Variants in ZNF71 observed in about 807,000 individuals in gnomAD.
ZNF71 encodes zinc finger protein 71, also known as endothelial zinc finger protein induced by tumor necrosis factor alpha.
A neutral mutation model predicts 6.7 loss-of-function variants in ZNF71; 3 were observed. The ratio of observed to expected loss-of-function variants is 0.45; its 90% CI spans 0.20 to 1.16. The LOEUF is 1.16. Ranked by LOEUF, ZNF71 falls within the 50% of genes most tolerant of loss-of-function variation. The pLI is 0.25. For missense variants in ZNF71, 688 were observed against 728.6 expected, an observed-to-expected ratio of 0.94 and a Z score of 0.64; for synonymous variants, 343 against 311.1, an observed-to-expected ratio of 1.10 and a Z score of -1.08.
rs2044662072 is a variant in ZNF71, at chr19:56,600,450, G to A, written c.-52-1057G>A. Among the ~76,000 whole-genome samples, 6 of 16,014 alleles carry A rather than the reference G, an allele frequency of 3.7e-4. 3 individuals are homozygous for A. The South Asian group carries it at 0.025, about 67-fold the overall frequency. The allele number at this position is 16,014 out of a possible 152,430, so 10.5% of individuals were successfully genotyped here. A position where few individuals can be genotyped will look rare whatever the true frequency, so the allele number is the denominator to read the frequency against. On this transcript the variant is annotated intron_variant, in intron 1 of 3. Coordinates refer to ENST00000599599, the MANE Select transcript of ZNF71 (RefSeq NM_001370215.1). ...CTGACCTCATGATCCACCCGCCTCG[G>A]CCTCCCAAAGTGCTGGGATTACAGG...
chr19:56,618,490 T>G lies in ZNF71; in HGVS notation c.161-2778T>G, dbSNP rs2148018323. 6.6e-6 allele frequency among the ~76,000 whole-genome samples: 1 copy of G among 152,258 alleles called. No homozygotes were observed. Among genetic ancestry groups the G allele is most frequent in the African/African-American group, 2.4e-5 (1 of 41,556 alleles). On this transcript the variant is annotated intron_variant, in intron 3 of 3. Coordinates refer to ENST00000599599, the MANE Select transcript of ZNF71 (RefSeq NM_001370215.1). This position sits in a 1 kb window ranked among gnomAD's most constrained non-coding sequence, Gnocchi z 4.6. ...GCAAGGCCCTTGCCTCTAGTGGAGC[T>G]GACTCCTGCTGGGGGCCGATAATAA...
intron 2 of ZNF71, among the ~76,000 whole-genome samples, chr19:56,605,084 A>G (rs905576783): frequency 5.9e-5 from 9 of 152,180 alleles, no homozygotes; most frequent in African/African-American, 1.9e-4. Context: ...TTCTTGGTAA[A>G]TTGTGGATGT....
Position 56,622,821 on chromosome 19 carries a change from G to T in ZNF71, c.*64G>T. On this transcript the variant is annotated 3_prime_UTR_variant, in exon 4 of 4. Coordinates refer to ENST00000599599, the MANE Select transcript of ZNF71 (RefSeq NM_001370215.1). The stretch of plus-strand genomic sequence containing the variant: ...CGGACGCCAGATGGCTGCGCGCTTT[G>T]TCAGCAGTGCTGTGAGAAGTTCTCC... 6.5e-7 allele frequency: 1 copy of T among 1,536,084 alleles called. No homozygotes were observed.
Position 56,598,535 on chromosome 19 carries a change from C to T in ZNF71, c.-52-2972C>T, listed in dbSNP as rs1180741380. ...GCATTAAGTGGTAGGAACCCCCAGC[C>T]CACACCTTTGTGATCCTTTTGTTCT... On this transcript the variant is annotated intron_variant, in intron 1 of 3. Coordinates refer to ENST00000599599, the MANE Select transcript of ZNF71 (RefSeq NM_001370215.1). This position sits in a 1 kb window ranked among gnomAD's most constrained non-coding sequence, Gnocchi z 4.2. Among the ~76,000 whole-genome samples the T allele has an allele frequency of 2.0e-5, 3 of 152,164 alleles. No homozygotes were observed. The highest frequency in any genetic ancestry group is 2.9e-5 in the Non-Finnish European group (2 of 68,028).
chr19:56,613,777 C>T lies in ZNF71; in HGVS notation c.34-35C>T. The T allele has an allele frequency of 9.3e-7, 1 of 1,079,910 alleles. No homozygotes were observed. Among genetic ancestry groups the T allele is most frequent in the Non-Finnish European group, 1.1e-6 (1 of 872,306 alleles). The allele number at this position is 1,079,910 out of a possible 1,614,324, so 66.9% of individuals were successfully genotyped here. A position where few individuals can be genotyped will look rare whatever the true frequency, so the allele number is the denominator to read the frequency against. On this transcript the variant is annotated intron_variant, in intron 2 of 3. Coordinates refer to ENST00000599599, the MANE Select transcript of ZNF71 (RefSeq NM_001370215.1). The surrounding 1 kb of genome is among the most constrained non-coding windows in gnomAD (Gnocchi z 4.6). ...TTCCTCCACGCCTCTGTAAGGAGGG[C>T]CCTGCGATGAGCGGATGTGGGTTTC...
chr19:56,601,682 A>G (rs1208328349), intron 2 of ZNF71, 91 bp downstream of exon 2: 2 of 847,182 alleles, frequency 2.4e-6, no homozygotes, highest in Admixed American at 1.2e-4. Context: ...CAAGGCCCCC[A>G]GTCCCATCTT....
At chr19:56,607,514 A>G (rs1226794760) in intron 2 of ZNF71, among the ~76,000 whole-genome samples, 1 of 152,072 alleles carries the variant, frequency 6.6e-6, no homozygotes, top group Non-Finnish European at 1.5e-5. Context: ...ACAACCCCCC[A>G]TGACGTAGAT....
chr19:56,614,022 A>G, intron 3 of ZNF71, 84 bp downstream of exon 3: 1 of 1,003,432 alleles, frequency 1.0e-6, no homozygotes, highest in Non-Finnish European at 1.2e-6. Flanking sequence ...AAAGATCAAC[A>G]GATCTGACTA....
chr19:56,608,188 G>A (rs2044723913), intron 2 of ZNF71, among the ~76,000 whole-genome samples: 7 of 152,030 alleles, frequency 4.6e-5, no homozygotes, highest in Admixed American at 4.6e-4. Flanking sequence ...GGCATTAAAT[G>A]CATTCCTAAT....
At chr19:56,607,519 G>A (rs1271318996) in intron 2 of ZNF71, among the ~76,000 whole-genome samples, 4 of 152,016 alleles carry the variant, frequency 2.6e-5, no homozygotes, top group Admixed American at 1.3e-4. Flanking sequence ...CCCCCATGAC[G>A]TAGATGCTGT....
intron 2 of ZNF71, among the ~76,000 whole-genome samples, chr19:56,612,400 TACAC>T: frequency 6.6e-6 from 1 of 152,132 alleles, no homozygotes; most frequent in Non-Finnish European, 1.5e-5. Flanking sequence ...TTTATACACA[TACAC>T]ACATACATAC....
intron 2 of ZNF71, among the ~76,000 whole-genome samples, chr19:56,607,544 A>G (rs1321165383): frequency 6.6e-6 from 1 of 152,196 alleles, no homozygotes; most frequent in Non-Finnish European, 1.5e-5. Context: ...CCCTTTTAAC[A>G]GAGGAAGAAA....
rs2044640979 is a variant in ZNF71, at chr19:56,598,244, G to A, written c.-53+2816G>A. Among the ~76,000 whole-genome samples the A allele has an allele frequency of 6.6e-6, 1 of 152,080 alleles. No homozygotes were observed. The highest frequency in any genetic ancestry group is 6.5e-5 in the Admixed American group (1 of 15,268). On this transcript the variant is annotated intron_variant, in intron 1 of 3. Transcript: ENST00000599599. The surrounding 1 kb of genome is among the most constrained non-coding windows in gnomAD (Gnocchi z 4.2). ...ACGTTGGAGCTGACCAGGAAGCAGG[G>A]GTAGTCATGGGAAGAGCATTCCCTC...
At position 56,599,926 on chromosome 19, in the gene ZNF71, C is replaced by G. The variant is rs2044654879; in HGVS notation, c.-52-1581C>G. On this transcript the variant is annotated intron_variant, in intron 1 of 3. Transcript: ENST00000599599. ...TTGATCTCCTGACCTCGTGATCCGC[C>G]CGCCTCGGCCTCCCAAAGTGCTGGG... Among the ~76,000 whole-genome samples, 7 of 151,892 alleles carry G rather than the reference C, an allele frequency of 4.6e-5. No homozygotes were observed. In the South Asian group the frequency reaches 1.5e-3, roughly 32 times the overall value.
At position 56,595,853 on chromosome 19, in the gene ZNF71, T is replaced by G. The variant is rs200370517; in HGVS notation, c.-53+425T>G. On this transcript the variant is annotated intron_variant, in intron 1 of 3. Coordinates refer to ENST00000599599, the MANE Select transcript of ZNF71 (RefSeq NM_001370215.1). The stretch of plus-strand genomic sequence containing the variant: ...GGATATTGTGATTGTGTGTGTGTGT[T>G]TGTGTGTGTGTGTGTGTGTGTGTGT... Among the ~76,000 whole-genome samples the G allele has an allele frequency of 1.3e-3, 175 of 137,590 alleles. 1 individual carries two copies. Among genetic ancestry groups the G allele is most frequent in the South Asian group, 4.2e-3 (17 of 4,032 alleles). 90.3% of individuals were successfully genotyped at this position (137,590 alleles called of 152,430 possible).
In ZNF71 at chr19:56,613,700, C is replaced by G. The variant is rs921084143; in HGVS notation, c.34-112C>G. 4.3e-5 allele frequency: 39 copies of G among 896,876 alleles called. No homozygotes were observed. Among genetic ancestry groups the G allele is most frequent in the Non-Finnish European group, 5.2e-5 (38 of 734,514 alleles). The allele number at this position is 896,876 out of a possible 1,614,324, so 55.6% of individuals were successfully genotyped here. A position where few individuals can be genotyped will look rare whatever the true frequency, so the allele number is the denominator to read the frequency against. Reference sequence around the variant, plus strand: ...AGAACTCTGCATCTTATTGAAATCACTTCAGCTACATCCCATCTGCCTCCC... The same window carrying G: ...AGAACTCTGCATCTTATTGAAATCAGTTCAGCTACATCCCATCTGCCTCCC... On this transcript the variant is annotated intron_variant, in intron 2 of 3. Transcript: ENST00000599599. The surrounding 1 kb of genome is among the most constrained non-coding windows in gnomAD (Gnocchi z 4.6).
At chr19:56,600,902 C>T (rs2044665805) in intron 1 of ZNF71, among the ~76,000 whole-genome samples, 1 of 152,156 alleles carries the variant, frequency 6.6e-6, no homozygotes, top group Non-Finnish European at 1.5e-5. Flanking sequence ...AAGTTCCTTA[C>T]ACTCATATCT....
intron 2 of ZNF71, among the ~76,000 whole-genome samples, chr19:56,602,292 T>C (rs990852162): frequency 1.3e-5 from 2 of 152,200 alleles, no homozygotes; most frequent in Non-Finnish European, 2.9e-5. Flanking sequence ...AAATCTTTCT[T>C]TGTGTCTTAT....
chr19:56,622,679 G>T lies in ZNF71; in HGVS notation c.1572G>T (p.Lys524Asn), dbSNP rs1465515331. The T allele has an allele frequency of 4.3e-6, 7 of 1,614,158 alleles. No individual in the cohort carries two copies. The highest frequency in any genetic ancestry group is 1.3e-5 in the African/African-American group (1 of 75,076). The change falls in exon 4 of 4, where the codon AAG becomes AAT. Residue 524 changes from lysine (K) to asparagine (N), a missense_variant. Transcript: ENST00000599599. Reference protein sequence around the residue: ...TVHQRIHTGEKPYRCGECGKT... With the variant: ...TVHQRIHTGENPYRCGECGKT... ...ACCAGCGGATCCACACGGGCGAGAA[G>T]CCCTACCGATGCGGCGAGTGCGGGA...
Sources: gnomAD v4.1 joint callset for allele counts (sites outside exome capture counted in the v4.1 genomes callset) on GRCh38, gnomAD v4.1.1 for gene constraint, Gnocchi (gnomAD v3.1) non-coding constraint, MANE v1.5 for transcripts, NCBI Gene and HGNC (gene_info 2026-07-23, HGNC 2026-07-21) for gene names.